The following ANKS1B variants were observed in gnomAD, a reference collection of about 807,000 sequenced individuals.
ANKS1B encodes ankyrin repeat and sterile alpha motif domain-containing protein 1B.
ANKS1B carries 36 observed loss-of-function variants against 148.3 expected under a neutral mutation model. The ratio of observed to expected loss-of-function variants is 0.24; its 90% CI spans 0.19 to 0.32. The LOEUF (loss-of-function observed/expected upper bound fraction) is 0.32, where lower values mean the gene tolerates loss of function less well. Among genes scored for constraint, ANKS1B ranks in the 10% least tolerant of loss-of-function variants. The pLI is 1.00. For missense variants in ANKS1B, 1,157 were observed against 1,542.6 expected (o/e 0.75, Z 4.19); for synonymous variants, 542 against 560.8 (o/e 0.97, Z 0.47).
intron 12 of ANKS1B, among the ~76,000 whole-genome samples, chr12:99,323,391 T>C (rs1020187063): frequency 2.6e-5 from 4 of 152,208 alleles, no homozygotes; most frequent in African/African-American, 9.7e-5. Flanking sequence ...TATCAAGAGT[T>C]AAAATTAATG....
At chr12:98,817,422 C>A (rs780557153) in intron 19 of ANKS1B, among the ~76,000 whole-genome samples, 1 of 152,242 alleles carries the variant, frequency 6.6e-6, no homozygotes, top group Non-Finnish European at 1.5e-5. Context: ...ACAGTTGCTT[C>A]TTCTGTGGGC....
intron 8 of ANKS1B, among the ~76,000 whole-genome samples, chr12:99,721,289 T>C (rs2058061979): frequency 6.6e-6 from 1 of 152,120 alleles, no homozygotes; most frequent in South Asian, 2.1e-4. Context: ...ACTTTATCAC[T>C]ATTTCATTTT....
chr12:99,407,677 C>T (rs1251062558), intron 11 of ANKS1B, among the ~76,000 whole-genome samples: 1 of 145,820 alleles, frequency 6.9e-6, no homozygotes, highest in South Asian at 2.1e-4. Context: ...AATCAACATA[C>T]AAAAACCAGT....
rs2063577691 is a variant in ANKS1B, at chr12:99,775,610, TC to T, written c.898del (p.Glu300LysfsTer36). On this transcript the variant is annotated frameshift_variant, in exon 7 of 27. Coordinates refer to ENST00000683438, the MANE Select transcript of ANKS1B (RefSeq NM_001352186.2). LOFTEE classifies it high-confidence loss of function. ...RSTVLEEPVQ[E>X]DATQETHISS... Reference sequence around the variant, plus strand: ...AATGTGTGTTTCTTGTGTTGCATCTTCCTGTACAGGCTCTTCGAGGACTGTA... The same window carrying T: ...AATGTGTGTTTCTTGTGTTGCATCTTCTGTACAGGCTCTTCGAGGACTGTA... 1 of 1,612,892 alleles carries T rather than the reference TC, an allele frequency of 6.2e-7. No individual in the cohort carries two copies. The highest frequency in any genetic ancestry group is 1.7e-5 in the Admixed American group (1 of 59,992).
At chr12:98,962,738 G>A (rs1463579908) in intron 17 of ANKS1B, among the ~76,000 whole-genome samples, 2 of 152,124 alleles carry the variant, frequency 1.3e-5, no homozygotes, top group Non-Finnish European at 2.9e-5. Context: ...AATTATATCA[G>A]TATCTTCTCT....
At chr12:99,445,770 G>A (rs540223966) in intron 10 of ANKS1B, among the ~76,000 whole-genome samples, 3 of 151,990 alleles carry the variant, frequency 2.0e-5, no homozygotes, top group East Asian at 1.9e-4. Context: ...CACCCAGGCT[G>A]GAGTGCAGTA....
At chr12:99,443,002 A>G (rs1038185370) in intron 11 of ANKS1B, among the ~76,000 whole-genome samples, 1 of 151,858 alleles carries the variant, frequency 6.6e-6, no homozygotes, top group African/African-American at 2.4e-5. Context: ...TATAAGTGCT[A>G]TTTTCAATGA....
downstream of ANKS1B, among the ~76,000 whole-genome samples, chr12:98,741,961 A>C (rs958354264): frequency 2.6e-5 from 4 of 152,208 alleles, no homozygotes; most frequent in Non-Finnish European, 5.9e-5. Context: ...GCCAGAGGAC[A>C]ATTAAATTGG....
chr12:99,866,152 T>C (rs1383354837), intron 1 of ANKS1B, among the ~76,000 whole-genome samples: 2 of 152,194 alleles, frequency 1.3e-5, no homozygotes, highest in Non-Finnish European at 2.9e-5. Flanking sequence ...AATCTTTCAA[T>C]AAATTCCTTT....
chr12:99,443,795 C>A lies in ANKS1B; in HGVS notation c.1453G>T (p.Val485Leu). ...PSPRTDNASE[V>L]AVTTPGTSNH... The stretch of plus-strand genomic sequence containing the variant: ...CTAGTTCCTGGAGTAGTAACTGCTA[C>A]CTCAGAGGCATTATCTGTGAATAAA... The change falls in exon 11 of 27, where the codon GTA (valine) becomes TTA (leucine). Residue 485 changes from valine (V) to leucine (L), a missense_variant. Physicochemically the swap from Val to Leu is conservative, Grantham distance 32. Transcript: ENST00000683438. 6.2e-7 allele frequency: 1 copy of A among 1,610,210 alleles called. No individual in the cohort carries two copies. Among genetic ancestry groups the A allele is most frequent in the Non-Finnish European group, 8.5e-7 (1 of 1,177,736 alleles).
In ANKS1B at chr12:99,229,285, C is replaced by T. The variant is rs544610366; in HGVS notation, c.2419+15057G>A. On this transcript the variant is annotated intron_variant, in intron 14 of 26. Transcript: ENST00000683438. Reference sequence around the variant, plus strand: ...ATGTCATTTTAAATTAGGTGTTTAACATTTTATCATCAGGAATTAGTGTAA... The same window carrying T: ...ATGTCATTTTAAATTAGGTGTTTAATATTTTATCATCAGGAATTAGTGTAA... 1.6e-4 allele frequency among the ~76,000 whole-genome samples: 24 copies of T among 151,886 alleles called. No individual in the cohort carries two copies. In the South Asian group the frequency reaches 4.4e-3, roughly 28 times the overall value.
intron 12 of ANKS1B, among the ~76,000 whole-genome samples, chr12:99,362,491 G>A (rs1403494186): frequency 6.6e-6 from 1 of 151,938 alleles, no homozygotes; most frequent in East Asian, 1.9e-4. Flanking sequence ...TCATGTTAAA[G>A]TGTGCCTAAT....
intron 12 of ANKS1B, among the ~76,000 whole-genome samples, chr12:99,293,105 T>C (rs1034097919): frequency 3.3e-5 from 5 of 152,160 alleles, no homozygotes; most frequent in Non-Finnish European, 7.3e-5. Context: ...CCAACCCCAA[T>C]GTCCATCAAT....
intron 1 of ANKS1B, among the ~76,000 whole-genome samples, chr12:99,932,462 C>T (rs2094645472): frequency 6.6e-6 from 1 of 152,116 alleles, no homozygotes; most frequent in Admixed American, 6.6e-5. Context: ...TGGAGGTAAG[C>T]CATTGTAACT....
chr12:99,001,800 A>T (rs1437800312), intron 17 of ANKS1B, among the ~76,000 whole-genome samples: 2 of 152,212 alleles, frequency 1.3e-5, no homozygotes, highest in Non-Finnish European at 2.9e-5. Context: ...TTTGCTCAAC[A>T]TCTATTTCTC....
chr12:99,927,004 A>G (rs2094492632), intron 1 of ANKS1B, among the ~76,000 whole-genome samples: 2 of 152,212 alleles, frequency 1.3e-5, no homozygotes, highest in African/African-American at 2.4e-5. Flanking sequence ...CTCCAAGCTG[A>G]GCCAATCAGA....
At chr12:99,515,207 A>G (rs1477338633) in intron 9 of ANKS1B, among the ~76,000 whole-genome samples, 1 of 152,040 alleles carries the variant, frequency 6.6e-6, no homozygotes, top group Non-Finnish European at 1.5e-5. Flanking sequence ...CTTAAAATAT[A>G]CAATTAAATT....
intron 12 of ANKS1B, among the ~76,000 whole-genome samples, chr12:99,305,862 CCCA>C (rs1477541306): frequency 6.6e-6 from 1 of 152,118 alleles, no homozygotes; most frequent in Non-Finnish European, 1.5e-5. Context: ...TAATGGAGAA[CCCA>C]TTTCTTTCTA....
chr12:99,804,216 C>T (rs1236983759), intron 4 of ANKS1B, among the ~76,000 whole-genome samples: 5 of 152,128 alleles, frequency 3.3e-5, no homozygotes, highest in African/African-American at 9.7e-5. Context: ...GAAAGCAGTA[C>T]ATCCAGATTA....
Sources: gnomAD v4.1 joint callset for allele counts (sites outside exome capture counted in the v4.1 genomes callset) on GRCh38, gnomAD v4.1.1 for gene constraint, MANE v1.5 for transcripts, NCBI Gene and HGNC (gene_info 2026-07-23, HGNC 2026-07-21) for gene names.